Variants in MACROD2 observed in about 807,000 individuals in gnomAD.
MACROD2 encodes the protein ADP-ribose glycohydrolase MACROD2.
MACROD2 carries 36 observed loss-of-function variants against 70.4 expected under a neutral mutation model. That is an observed-to-expected ratio of 0.51 (90% CI 0.39 to 0.68). The LOEUF is 0.68. MACROD2 is among the 30% of genes least tolerant of loss of function. MACROD2 has a pLI of 0.00. For missense variants in MACROD2, 496 were observed against 538.4 expected, an observed-to-expected ratio of 0.92 and a Z score of 0.78; for synonymous variants, 172 against 178.8, an observed-to-expected ratio of 0.96 and a Z score of 0.30.
chr20:14,776,485 C>T (rs2072236047), intron 5 of MACROD2, among the ~76,000 whole-genome samples: 1 of 151,932 alleles, frequency 6.6e-6, no homozygotes, highest in Admixed American at 6.6e-5. Flanking sequence ...TAATCACAGT[C>T]ATAATCACAA....
At chr20:15,803,076 A>G (rs919381862) in intron 8 of MACROD2, among the ~76,000 whole-genome samples, 2 of 152,146 alleles carry the variant, frequency 1.3e-5, no homozygotes, top group African/African-American at 4.8e-5. Context: ...GAATTCTACC[A>G]AAGTTATAAA....
intron 3 of MACROD2, among the ~76,000 whole-genome samples, chr20:14,350,434 G>T (rs2083112517): frequency 6.6e-6 from 1 of 151,930 alleles, no homozygotes. Flanking sequence ...AATAACAAAT[G>T]GGGTGAGTTG....
At chr20:14,277,599 TATATC>T (rs528883864) in intron 3 of MACROD2, among the ~76,000 whole-genome samples, 3 of 152,322 alleles carry the variant, frequency 2.0e-5, no homozygotes, top group African/African-American at 7.2e-5. Flanking sequence ...CTGAAGATCT[TATATC>T]AAAGAAAAGG....
intron 5 of MACROD2, among the ~76,000 whole-genome samples, chr20:14,718,673 A>G (rs2071426333): frequency 6.6e-6 from 1 of 152,196 alleles, no homozygotes; most frequent in South Asian, 2.1e-4. Context: ...GAATCAGAGC[A>G]GCCTGAAACA....
chr20:14,933,054 A>C (rs190727449), intron 5 of MACROD2, among the ~76,000 whole-genome samples: 4 of 152,216 alleles, frequency 2.6e-5, no homozygotes, highest in Admixed American at 2.6e-4. Context: ...TAGTCTTCAG[A>C]GAAAAACTCT....
chr20:14,789,084 A>G (rs1287681205), intron 5 of MACROD2, among the ~76,000 whole-genome samples: 1 of 151,938 alleles, frequency 6.6e-6, no homozygotes, highest in Non-Finnish European at 1.5e-5. Context: ...GTTATTTTTA[A>G]AAGGTATCCT....
At chr20:14,775,236 C>T (rs559681946) in intron 5 of MACROD2, among the ~76,000 whole-genome samples, 1 of 152,186 alleles carries the variant, frequency 6.6e-6, no homozygotes, top group South Asian at 2.1e-4. Context: ...CATTTATTAG[C>T]TAACGCGGTG....
chr20:15,427,760 C>G (rs2046317445), intron 6 of MACROD2, among the ~76,000 whole-genome samples: 2 of 152,136 alleles, frequency 1.3e-5, no homozygotes, highest in South Asian at 4.1e-4. Flanking sequence ...GGTGAGGTGG[C>G]TTTTTATAGC....
At chr20:14,107,362 G>C (rs1296627470) in intron 3 of MACROD2, among the ~76,000 whole-genome samples, 1 of 151,816 alleles carries the variant, frequency 6.6e-6, no homozygotes, top group Non-Finnish European at 1.5e-5. Context: ...AGAAACAAAA[G>C]AAAAAAGTAT....
intron 6 of MACROD2, among the ~76,000 whole-genome samples, chr20:15,382,234 T>G (rs898840159): frequency 6.6e-6 from 1 of 152,146 alleles, no homozygotes; most frequent in Non-Finnish European, 1.5e-5. Flanking sequence ...GCAGCTGCTT[T>G]CCACCTACAA....
intron 6 of MACROD2, among the ~76,000 whole-genome samples, chr20:15,255,408 C>T (rs1045125849): frequency 2.6e-5 from 4 of 152,028 alleles, no homozygotes; most frequent in East Asian, 1.9e-4. Flanking sequence ...ACTCTGTTGA[C>T]GAAGCAAAAC....
At chr20:14,955,928 T>C (rs1663049888) in intron 5 of MACROD2, among the ~76,000 whole-genome samples, 1 of 152,134 alleles carries the variant, frequency 6.6e-6, no homozygotes, top group Non-Finnish European at 1.5e-5. Context: ...ACAATGAGAT[T>C]AACCATATTT....
intron 4 of MACROD2, among the ~76,000 whole-genome samples, chr20:14,639,532 AGACAGGACT>A (rs1249562677): frequency 2.0e-5 from 3 of 152,176 alleles, no homozygotes; most frequent in Non-Finnish European, 4.4e-5. Context: ...GTCTGTGGCC[AGACAGGACT>A]GTGGTTTAGT....
chr20:14,912,559 A>G (rs115557759), intron 5 of MACROD2, among the ~76,000 whole-genome samples: 15 of 152,294 alleles, frequency 9.8e-5, no homozygotes, highest in African/African-American at 2.9e-4. Flanking sequence ...TAAGAGACCA[A>G]TAAAGAAGAG....
Position 14,666,424 on chromosome 20 carries a change from G to A in MACROD2, c.302-18419G>A, listed in dbSNP as rs114338348. On this transcript the variant is annotated intron_variant, in intron 4 of 17. Transcript: ENST00000684519. ...AAGTTGGGGACTTTCTGTATCCCTT[G>A]ACTTTTGATTTCTGTGCGACAGAGC... Among the ~76,000 whole-genome samples the A allele has an allele frequency of 4.7e-3, 710 of 152,164 alleles. 3 individuals carry two copies. Among genetic ancestry groups the A allele is most frequent in the African/African-American group, 0.016 (684 of 41,534 alleles).
chr20:14,832,168 G>A (rs987400286), intron 5 of MACROD2, among the ~76,000 whole-genome samples: 1 of 146,380 alleles, frequency 6.8e-6, no homozygotes, highest in African/African-American at 2.5e-5. Flanking sequence ...TCAGCCTCCC[G>A]AGTAGCTGGG....
At chr20:15,375,230 C>G (rs2045546359) in intron 6 of MACROD2, among the ~76,000 whole-genome samples, 1 of 152,172 alleles carries the variant, frequency 6.6e-6, no homozygotes, top group African/African-American at 2.4e-5. Flanking sequence ...TAGCATAACA[C>G]TTACTGACAT....
intron 4 of MACROD2, among the ~76,000 whole-genome samples, chr20:14,607,273 A>T (rs963389709): frequency 2.0e-5 from 3 of 152,176 alleles, no homozygotes; most frequent in Admixed American, 2.0e-4. Flanking sequence ...CTGAAGTAGC[A>T]TGAATTCACA....
At chr20:15,727,697 G>A (rs1157045526) in intron 8 of MACROD2, among the ~76,000 whole-genome samples, 1 of 151,972 alleles carries the variant, frequency 6.6e-6, no homozygotes. Context: ...TCTTTTTGTG[G>A]CTCTTATGAA....
Sources: allele counts gnomAD v4.1 joint callset (sites outside exome capture counted in the v4.1 genomes callset), GRCh38; gene constraint gnomAD v4.1.1; transcripts MANE v1.5; gene names NCBI Gene and HGNC (gene_info 2026-07-23, HGNC 2026-07-21).